NLGN4Y: variants seen among roughly 807,000 people sequenced by gnomAD.
The protein encoded by NLGN4Y is neuroligin 4 Y-linked, also known as neuroligin-4, Y-linked.
Under a neutral mutation model 8.4 loss-of-function variants are expected in NLGN4Y, and 4 were observed. That is an observed-to-expected ratio of 0.48 (90% CI 0.23 to 1.09). NLGN4Y has a LOEUF of 1.09. Ranked by LOEUF, NLGN4Y falls within the 50% of genes least tolerant of loss-of-function variation. The pLI, the probability that NLGN4Y is intolerant of heterozygous loss-of-function variation, is 0.19. For missense variants in NLGN4Y, 90 were observed against 192.3 expected (o/e 0.47, Z 3.15); for synonymous variants, 35 against 75.6 (o/e 0.46, Z 2.78).
intron 4 of NLGN4Y, among the ~76,000 whole-genome samples, chrY:14,728,828 T>G: frequency 3.0e-5 from 1 of 33,157 alleles, no homozygotes; most frequent in East Asian, 7.9e-4. Context: ...AGATGGATGG[T>G]GGGGACAGTT....
At chrY:14,760,088 G>A (rs766214077) in intron 4 of NLGN4Y, among the ~76,000 whole-genome samples, 31 of 32,679 alleles carry the variant, frequency 9.5e-4, no homozygotes, top group South Asian at 3.4e-3. Context: ...TGGCCCTTGT[G>A]GTTATTTATC....
chrY:14,701,197 A>C (rs1603502835), intron 2 of NLGN4Y, among the ~76,000 whole-genome samples: 1 of 14,145 alleles, frequency 7.1e-5, no homozygotes, highest in African/African-American at 1.7e-4. Context: ...ATGCACACGC[A>C]CACACACACA....
At chrY:14,589,958 A>G (rs754150887) in intron 1 of NLGN4Y, among the ~76,000 whole-genome samples, 30 of 34,668 alleles carry the variant, frequency 8.7e-4, no homozygotes, top group Admixed American at 3.0e-3. Flanking sequence ...CCAGCTAGAA[A>G]TTGAGTGCAG....
At chrY:14,730,987 A>ATGTGTG (rs1248863150) in intron 4 of NLGN4Y, among the ~76,000 whole-genome samples, 624 of 15,708 alleles carry the variant, frequency 0.04, no homozygotes, top group Middle Eastern at 0.091. Flanking sequence ...GAACCAAATT[A>ATGTGTG]TGTGTGTGTG....
intron 6 of NLGN4Y, among the ~76,000 whole-genome samples, chrY:14,834,708 G>T: frequency 8.8e-5 from 3 of 33,937 alleles, no homozygotes; most frequent in Non-Finnish European, 2.2e-4. Context: ...TTGTAAACTG[G>T]ATGGTGGCCT....
chrY:14,606,823 G>GTA (rs2080448169), intron 1 of NLGN4Y, among the ~76,000 whole-genome samples: 1 of 31,780 alleles, frequency 3.1e-5, no homozygotes, highest in Non-Finnish European at 7.6e-5. Flanking sequence ...ATATATATAC[G>GTA]TATATACACA....
intron 1 of NLGN4Y, among the ~76,000 whole-genome samples, chrY:14,534,044 T>C (rs2080122720): frequency 8.9e-5 from 3 of 33,523 alleles, no homozygotes; most frequent in Non-Finnish European, 2.2e-4. Flanking sequence ...TAAACAGTGC[T>C]GCAGTAACCA....
intron 1 of NLGN4Y, among the ~76,000 whole-genome samples, chrY:14,539,636 C>A (rs2080143908): frequency 1.5e-4 from 4 of 27,502 alleles, no homozygotes; most frequent in Admixed American, 1.4e-3. Context: ...ATTCCTCATT[C>A]TAGGGGCATT....
chrY:14,770,601 C>A (rs2081104708), intron 4 of NLGN4Y, among the ~76,000 whole-genome samples: 1 of 33,768 alleles, frequency 3.0e-5, no homozygotes, highest in East Asian at 7.8e-4. Flanking sequence ...TGAGGAAAAA[C>A]CAGCGCAAAA....
chrY:14,542,770 G>C, intron 1 of NLGN4Y, among the ~76,000 whole-genome samples: 1 of 33,224 alleles, frequency 3.0e-5, no homozygotes, highest in Non-Finnish European at 7.4e-5. Context: ...AGAAAATGTG[G>C]CACATGTACA....
chrY:14,714,141 C>A, intron 2 of NLGN4Y, among the ~76,000 whole-genome samples: 7 of 32,614 alleles, frequency 2.1e-4, no homozygotes, highest in African/African-American at 7.2e-4. Flanking sequence ...TGTGTCCAAG[C>A]CACAAGCTGG....
chrY:14,620,660 C>T (rs1015211481), intron 1 of NLGN4Y, among the ~76,000 whole-genome samples: 4 of 33,688 alleles, frequency 1.2e-4, no homozygotes, highest in African/African-American at 3.5e-4. Context: ...TCTGAGTAAC[C>T]CACAAATTCC....
At chrY:14,607,715 T>A in intron 1 of NLGN4Y, among the ~76,000 whole-genome samples, 1 of 34,245 alleles carries the variant, frequency 2.9e-5, no homozygotes, top group South Asian at 6.4e-4. Context: ...AATAGAATGA[T>A]CAATAATCCT....
At chrY:14,756,866 CATATATATATATATATATATATATATAT>C (rs145217639) in intron 4 of NLGN4Y, among the ~76,000 whole-genome samples, 3 of 2,179 alleles carry the variant, frequency 1.4e-3, no homozygotes, top group African/African-American at 2.5e-3. Context: ...ATATTTTATA[CATATATATATATATATATATATATATAT>C]ATATATATAT....
chrY:14,623,185 AAT>A (rs2080517036), intron 2 of NLGN4Y, among the ~76,000 whole-genome samples: 1 of 34,007 alleles, frequency 2.9e-5, no homozygotes, highest in Admixed American at 2.7e-4. Context: ...CAAATGACAA[AAT>A]ATAGTCAGAT....
intron 4 of NLGN4Y, among the ~76,000 whole-genome samples, chrY:14,754,284 G>A: frequency 3.0e-5 from 1 of 32,958 alleles, no homozygotes; most frequent in Non-Finnish European, 7.4e-5. Context: ...TTAGGCAGGA[G>A]AATCACTTGA....
At chrY:14,644,439 C>G (rs760606810) in intron 2 of NLGN4Y, among the ~76,000 whole-genome samples, 46 of 33,051 alleles carry the variant, frequency 1.4e-3, no homozygotes, top group African/African-American at 4.8e-3. Context: ...AAGCTGAAGT[C>G]TAGAGCCTGA....
intron 2 of NLGN4Y, among the ~76,000 whole-genome samples, chrY:14,631,912 C>T (rs911094410): frequency 3.0e-5 from 1 of 33,512 alleles, no homozygotes. Context: ...GTTGGAATGC[C>T]AGTTTATCCC....
intron 2 of NLGN4Y, among the ~76,000 whole-genome samples, chrY:14,684,352 A>C (rs1434720318): frequency 3.0e-5 from 1 of 33,152 alleles, no homozygotes; most frequent in Non-Finnish European, 7.4e-5. Context: ...GGCAACATAC[A>C]GAGAAAAGAG....
Sources: allele counts gnomAD v4.1 joint callset (sites outside exome capture counted in the v4.1 genomes callset), GRCh38; gene constraint gnomAD v4.1.1; transcripts MANE v1.5; gene names NCBI Gene and HGNC (gene_info 2026-07-23, HGNC 2026-07-21).